Variants in USP28 observed in about 807,000 individuals in gnomAD.
USP28 encodes ubiquitin specific peptidase 28.
In USP28, 113 loss-of-function variants were observed where a neutral mutation model predicts 145.0. The ratio of observed to expected loss-of-function variants is 0.78; its 90% CI spans 0.67 to 0.91. The LOEUF (loss-of-function observed/expected upper bound fraction) is 0.91, where lower values mean the gene tolerates loss of function less well. Among genes scored for constraint, USP28 ranks in the 40% least tolerant of loss-of-function variants. The pLI, the probability that USP28 is intolerant of heterozygous loss-of-function variation, is 0.00. For missense variants in USP28, 1,201 were observed against 1,289.6 expected (o/e 0.93, Z 1.05); for synonymous variants, 447 against 450.9 (o/e 0.99, Z 0.11).
At chr11:113,851,441 G>A (rs1415973448) in intron 3 of USP28, among the ~76,000 whole-genome samples, 1 of 152,074 alleles carries the variant, frequency 6.6e-6, no homozygotes, top group Non-Finnish European at 1.5e-5. Flanking sequence ...AGCAAGCCAA[G>A]GTGCACTCCC....
At chr11:113,808,496 G>A (rs1940422378) in intron 17 of USP28, 59 bp from the exon 18 acceptor site, 1 of 1,577,332 alleles carries the variant, frequency 6.3e-7, no homozygotes, top group South Asian at 1.1e-5. Flanking sequence ...AGAACACTCA[G>A]ATAAAAAGCA....
intron 24 of USP28, 35 bp downstream of exon 25, chr11:113,801,448 C>G (rs1485399999): frequency 4.1e-6 from 6 of 1,477,488 alleles, no homozygotes; most frequent in Non-Finnish European, 4.6e-6. Flanking sequence ...CTACAATTCT[C>G]AAAACCTCAG....
intron 11 of USP28, among the ~76,000 whole-genome samples, chr11:113,824,231 C>T (rs2135750815): frequency 6.6e-6 from 1 of 152,224 alleles, no homozygotes; most frequent in East Asian, 1.9e-4. Flanking sequence ...AATTACAAAA[C>T]ACTGTTGAGA....
At chr11:113,813,990 AATG>A in intron 14 of USP28, 35 bp from the exon 15 acceptor site, 1 of 1,510,086 alleles carries the variant, frequency 6.6e-7, no homozygotes, top group Non-Finnish European at 9.1e-7. Flanking sequence ...GCTTCACTAA[AATG>A]ATCTCATTCT....
intron 18 of USP28, among the ~76,000 whole-genome samples, chr11:113,807,383 ATT>A (rs35233258): frequency 1.3e-5 from 2 of 151,166 alleles, no homozygotes; most frequent in South Asian, 2.1e-4. Context: ...CTTGTCAATG[ATT>A]TTTTTTTTTA....
At chr11:113,822,079 G>A (rs968671720) in intron 12 of USP28, among the ~76,000 whole-genome samples, 2 of 152,106 alleles carry the variant, frequency 1.3e-5, no homozygotes, top group African/African-American at 4.8e-5. Flanking sequence ...TGGTAAATTG[G>A]TATTTTTGAA....
chr11:113,835,210 TC>T (rs1347865678), intron 5 of USP28: 8 of 448,170 alleles, frequency 1.8e-5, no homozygotes, highest in Non-Finnish European at 1.8e-5. Context: ...TGAATACCTT[TC>T]ATAAGTTAAT....
intron 1 of USP28, among the ~76,000 whole-genome samples, chr11:113,871,719 G>T (rs12420194): frequency 6.6e-6 from 1 of 152,158 alleles, no homozygotes; most frequent in African/African-American, 2.4e-5. Flanking sequence ...ACAGAAGGCA[G>T]GGAGCTCTTT....
intron 4 of USP28, among the ~76,000 whole-genome samples, chr11:113,841,370 G>A (rs1430739266): frequency 6.6e-6 from 1 of 152,194 alleles, no homozygotes; most frequent in Non-Finnish European, 1.5e-5. Context: ...TTATAAAAGA[G>A]AATATACATT....
chr11:113,861,036 C>A (rs927501979), intron 1 of USP28, among the ~76,000 whole-genome samples: 1 of 150,408 alleles, frequency 6.6e-6, no homozygotes, highest in Admixed American at 6.7e-5. Flanking sequence ...GAGAACCTGG[C>A]GTGAACCTGG....
intron 12 of USP28, 120 bp downstream of exon 12, chr11:113,823,485 A>T: frequency 2.4e-6 from 2 of 821,894 alleles, no homozygotes; most frequent in Non-Finnish European, 3.7e-6. Flanking sequence ...AAATTTTCTT[A>T]GCTGTTTTAT....
intron 5 of USP28, among the ~76,000 whole-genome samples, chr11:113,839,413 C>A (rs1456797966): frequency 1.3e-5 from 2 of 151,904 alleles, no homozygotes; most frequent in African/African-American, 4.8e-5. Flanking sequence ...GATGAAACCT[C>A]ATCTCTACTA....
chr11:113,807,075 C>CTT (rs1409404373), intron 18 of USP28, among the ~76,000 whole-genome samples: 1 of 144,468 alleles, frequency 6.9e-6, no homozygotes, highest in African/African-American at 2.5e-5. Context: ...TTTTCAAGGA[C>CTT]TTTTTTTTTT....
intron 11 of USP28, among the ~76,000 whole-genome samples, chr11:113,824,944 A>AC (rs1431360764): frequency 2.0e-5 from 3 of 150,912 alleles, no homozygotes; most frequent in Non-Finnish European, 4.4e-5. Context: ...AAAAAAAAAA[A>AC]AAAAAAGATG....
Position 113,810,817 on chromosome 11 carries a change from GGT to G in USP28, c.1972+1457_1972+1458del, listed in dbSNP as rs1203288061. ...AGCCTCCCAAGTAGGTGGGATTACA[GGT>G]GTGTGCCACCATGCCCAGCTAATTT... On this transcript the variant is annotated intron_variant, in intron 16 of 24. Coordinates refer to ENST00000003302, the Ensembl canonical transcript of USP28. Among the ~76,000 whole-genome samples, 5 of 152,314 alleles carry G rather than the reference GGT, an allele frequency of 3.3e-5. No individual in the cohort carries two copies. The East Asian group carries it at 9.6e-4, about 29-fold the overall frequency.
intron 9 of USP28, among the ~76,000 whole-genome samples, chr11:113,830,442 A>G (rs1214014217): frequency 6.6e-6 from 1 of 152,200 alleles, no homozygotes; most frequent in Admixed American, 6.5e-5. Flanking sequence ...TTAAAAATAA[A>G]TTATGTGCCT....
chr11:113,838,007 G>C (rs1207923981), intron 5 of USP28, among the ~76,000 whole-genome samples: 1 of 151,388 alleles, frequency 6.6e-6, no homozygotes, highest in Non-Finnish European at 1.5e-5. Context: ...AAAAAAAAAA[G>C]ACTAGACACT....
intron 1 of USP28, chr11:113,874,955 G>GTGGTAAC: frequency 1.0e-6 from 1 of 979,016 alleles, no homozygotes; most frequent in Non-Finnish European, 1.2e-6. Flanking sequence ...GAGGGAAGTG[G>GTGGTAAC]TGGTAACTGG....
chr11:113,827,501 T>C (rs1022538505), intron 10 of USP28, 141 bp from the exon 11 acceptor site: 240 of 765,522 alleles, frequency 3.1e-4, no homozygotes, highest in South Asian at 2.0e-3. Context: ...TAGAACTTTT[T>C]TTTATCCCAA....
Sources: gnomAD v4.1 joint callset for allele counts (sites outside exome capture counted in the v4.1 genomes callset) on GRCh38, gnomAD v4.1.1 for gene constraint, MANE v1.5 for transcripts, NCBI Gene and HGNC (gene_info 2026-07-23, HGNC 2026-07-21) for gene names.